The following THOC7 variants were observed in gnomAD, a reference collection of about 807,000 sequenced individuals.
THOC7 encodes NIF3L1-binding protein 1.
A neutral mutation model predicts 33.1 loss-of-function variants in THOC7; 22 were observed. That is an observed-to-expected ratio of 0.66 (90% CI 0.47 to 0.95). The LOEUF (loss-of-function observed/expected upper bound fraction) is 0.95, where lower values mean the gene tolerates loss of function less well. THOC7 is among the 40% of genes least tolerant of loss of function. The pLI is 0.00. For synonymous variants in THOC7, 77 were observed against 76.8 expected (o/e 1.00, Z -0.01); for missense variants, 184 against 245.3 (o/e 0.75, Z 1.67).
intron 1 of THOC7, among the ~76,000 whole-genome samples, chr3:63,850,427 C>T (rs1701996225): frequency 6.6e-6 from 1 of 151,454 alleles, no homozygotes; most frequent in African/African-American, 2.4e-5. Flanking sequence ...TCTCAAACTC[C>T]TGACCTCAAA....
At chr3:63,850,221 A>G (rs1408812450) in intron 1 of THOC7, among the ~76,000 whole-genome samples, 24 of 152,050 alleles carry the variant, frequency 1.6e-4, no homozygotes, top group Admixed American at 1.6e-3. Flanking sequence ...TTACTTAGAG[A>G]TGGAGTTTCA....
At chr3:63,858,266 C>A (rs1037460738) in intron 1 of THOC7, among the ~76,000 whole-genome samples, 1 of 152,196 alleles carries the variant, frequency 6.6e-6, no homozygotes, top group African/African-American at 2.4e-5. Flanking sequence ...AACAACTCTA[C>A]AAAGTGTGTA....
At chr3:63,837,164 AC>A (rs1192933120) in intron 4 of THOC7, among the ~76,000 whole-genome samples, 5 of 152,124 alleles carry the variant, frequency 3.3e-5, no homozygotes, top group African/African-American at 1.2e-4. Flanking sequence ...TCTTTTGGAT[AC>A]AAATTTTTTG....
intron 1 of THOC7, among the ~76,000 whole-genome samples, chr3:63,856,774 G>A (rs1015620184): frequency 3.3e-5 from 5 of 151,432 alleles, no homozygotes; most frequent in Admixed American, 6.6e-5. Flanking sequence ...GCTGGAGTGC[G>A]TGGCGCTATC....
intron 1 of THOC7, among the ~76,000 whole-genome samples, chr3:63,853,991 T>C (rs774897328): frequency 2.0e-5 from 3 of 152,206 alleles, no homozygotes; most frequent in African/African-American, 4.8e-5. Context: ...TCTATAGATA[T>C]ATCTATGTAG....
At chr3:63,843,641 C>G (rs1470497008) in intron 1 of THOC7, among the ~76,000 whole-genome samples, 1 of 152,148 alleles carries the variant, frequency 6.6e-6, no homozygotes, top group African/African-American at 2.4e-5. Context: ...TGGCTCACGC[C>G]TGTAATCCCA....
rs1701613513 is a variant in THOC7, at chr3:63,835,508, G to T, written c.411-118C>A. The T allele has an allele frequency of 1.2e-5, 9 of 769,446 alleles. No homozygotes were observed. The South Asian group carries it at 1.8e-4, about 16-fold the overall frequency. 47.7% of individuals were successfully genotyped at this position (769,446 alleles called of 1,614,324 possible). A position where few individuals can be genotyped will look rare whatever the true frequency, so the allele number is the denominator to read the frequency against. On this transcript the variant is annotated intron_variant, in intron 5 of 7. Transcript: ENST00000295899. Reference sequence around the variant, plus strand: ...AAAATAAAAAAAGGGCTTATAAGGAGTTATAACACTCCATTATGGTGAAAC... The same window carrying T: ...AAAATAAAAAAAGGGCTTATAAGGATTTATAACACTCCATTATGGTGAAAC...
chr3:63,859,215 G>A (rs116763193), intron 1 of THOC7, among the ~76,000 whole-genome samples: 1 of 152,100 alleles, frequency 6.6e-6, no homozygotes, highest in African/African-American at 2.4e-5. Context: ...TGCCTTCCTA[G>A]AATCCATTTT....
intron 1 of THOC7, chr3:63,848,548 G>GT (rs1440410525): frequency 6.6e-6 from 1 of 152,156 alleles, no homozygotes; most frequent in Non-Finnish European, 1.5e-5. Flanking sequence ...AAAATCAGCT[G>GT]TAATTCAACC....
At chr3:63,858,054 T>C (rs1181076556) in intron 1 of THOC7, among the ~76,000 whole-genome samples, 1 of 152,032 alleles carries the variant, frequency 6.6e-6, no homozygotes, top group Admixed American at 6.5e-5. Flanking sequence ...TGCCCACAAA[T>C]GTCTAATTAA....
intron 1 of THOC7, among the ~76,000 whole-genome samples, chr3:63,843,539 T>C (rs1347713851): frequency 2.0e-5 from 3 of 152,200 alleles, no homozygotes; most frequent in African/African-American, 7.2e-5. Context: ...CCAACGTTTA[T>C]AGCAGCCTTA....
intron 1 of THOC7, among the ~76,000 whole-genome samples, chr3:63,856,737 T>TA (rs1702123224): frequency 6.6e-6 from 1 of 151,962 alleles, no homozygotes; most frequent in South Asian, 2.1e-4. Flanking sequence ...TTTTTTTTTT[T>TA]AGACAGAGTC....
At chr3:63,844,547 C>G (rs11927304) in intron 1 of THOC7, among the ~76,000 whole-genome samples, 12,142 of 152,186 alleles carry the variant, frequency 0.08, 1,149 homozygotes, top group African/African-American at 0.23. Context: ...CCAGTATTAA[C>G]AGGGGGAACC....
intron 1 of THOC7, among the ~76,000 whole-genome samples, chr3:63,854,367 T>G (rs1030854989): frequency 2.6e-5 from 4 of 152,242 alleles, no homozygotes; most frequent in Non-Finnish European, 5.9e-5. Flanking sequence ...AAATATGTTT[T>G]GTTTACTATA....
intron 1 of THOC7, among the ~76,000 whole-genome samples, chr3:63,847,596 G>A (rs1701925111): frequency 6.6e-6 from 1 of 152,174 alleles, no homozygotes; most frequent in Admixed American, 6.5e-5. Context: ...AATTAGCCGG[G>A]TGTGGGGTTG....
chr3:63,839,690 T>C lies in THOC7; in HGVS notation c.103A>G (p.Ile35Val), dbSNP rs377307863. The change falls in exon 2 of 8, where the codon ATT becomes GTT. Residue 35 changes from isoleucine to valine, a missense_variant. This residue lies in a region of THOC7 where 157 missense variants were observed against 201.3 expected (regional missense o/e 0.78). Transcript: ENST00000295899. Reference sequence around the variant, plus strand: ...TGGGACCCAGAGTTGCACCATTTAATGAAACTCTTCACTAGCAGATTAATT... The same window carrying C: ...TGGGACCCAGAGTTGCACCATTTAACGAAACTCTTCACTAGCAGATTAATT... Reference protein sequence around the residue: ...RRINLLVKSFIKWCNSGSQEE... With the variant: ...RRINLLVKSFVKWCNSGSQEE... The C allele has an allele frequency of 5.3e-5, 85 of 1,612,362 alleles. No homozygotes were observed. Among genetic ancestry groups the C allele is most frequent in the Non-Finnish European group, 6.9e-5 (82 of 1,179,944 alleles).
At chr3:63,852,237 CCAGA>C (rs750714866) in intron 1 of THOC7, among the ~76,000 whole-genome samples, 3 of 152,092 alleles carry the variant, frequency 2.0e-5, no homozygotes, top group East Asian at 1.9e-4. Flanking sequence ...GCCTAGAAGC[CCAGA>C]CAGAGACCCG....
intron 1 of THOC7, chr3:63,860,629 G>A (rs116385032): frequency 5.8e-4 from 88 of 152,198 alleles, no homozygotes; most frequent in Non-Finnish European, 1.1e-3. Context: ...GGAGAAACAG[G>A]TCACTTACAG....
chr3:63,858,729 C>T (rs1323631769), intron 1 of THOC7, among the ~76,000 whole-genome samples: 1 of 152,156 alleles, frequency 6.6e-6, no homozygotes, highest in African/African-American at 2.4e-5. Context: ...TTCAGCTAGC[C>T]AGACTGCTAG....
Sources: allele counts gnomAD v4.1 joint callset (sites outside exome capture counted in the v4.1 genomes callset), GRCh38; gene constraint gnomAD v4.1.1; regional missense constraint gnomAD v4.1.1; transcripts MANE v1.5; gene names NCBI Gene and HGNC (gene_info 2026-07-23, HGNC 2026-07-21).